Variants in MAGI2 observed in about 807,000 individuals in gnomAD.
The protein encoded by MAGI2 is membrane associated guanylate kinase, WW and PDZ domain containing 2.
MAGI2 carries 35 observed loss-of-function variants against 133.3 expected under a neutral mutation model. That is an observed-to-expected ratio of 0.26 (90% CI 0.20 to 0.35). The LOEUF (loss-of-function observed/expected upper bound fraction) is 0.35. Among genes scored for constraint, MAGI2 ranks in the 10% least tolerant of loss-of-function variants. MAGI2 has a pLI of 1.00. For synonymous variants in MAGI2, 729 were observed against 710.6 expected, an observed-to-expected ratio of 1.03 and a Z score of -0.41; for missense variants, 1,636 against 1,863.4, an observed-to-expected ratio of 0.88 and a Z score of 2.25.
chr7:78,536,880 G>A (rs1435230398), intron 3 of MAGI2, among the ~76,000 whole-genome samples: 2 of 151,324 alleles, frequency 1.3e-5, no homozygotes, highest in Non-Finnish European at 2.9e-5. Flanking sequence ...ATCTTTAGTG[G>A]TAATTTCTGA....
At chr7:78,827,713 T>C (rs537704171) in intron 2 of MAGI2, among the ~76,000 whole-genome samples, 1 of 152,196 alleles carries the variant, frequency 6.6e-6, no homozygotes, top group South Asian at 2.1e-4. Context: ...TATAATAATA[T>C]TGAAACACAA....
rs532394046 is a variant in MAGI2, at chr7:78,574,735, G to A, written c.538+52385C>T. Among the ~76,000 whole-genome samples the A allele has an allele frequency of 3.9e-5, 6 of 152,262 alleles. No individual in the cohort carries two copies. In the South Asian group the frequency reaches 1.0e-3, roughly 26 times the overall value. On this transcript the variant is annotated intron_variant, in intron 3 of 21. Coordinates refer to ENST00000354212, the MANE Select transcript of MAGI2 (RefSeq NM_012301.4). ...AGAATTATAGTCCTCACCACAAGTGGAAAGTGATAAATGTCATTTACAATG... is the reference window on the plus strand; with the variant it reads ...AGAATTATAGTCCTCACCACAAGTGAAAAGTGATAAATGTCATTTACAATG...
At chr7:78,545,479 T>G (rs6965203) in intron 3 of MAGI2, among the ~76,000 whole-genome samples, 17,999 of 152,070 alleles carry the variant, frequency 0.12, 2,006 homozygotes, top group East Asian at 0.4. Flanking sequence ...CCCAAAGTGC[T>G]GGGATTACAG....
chr7:78,755,347 G>A (rs1425586478), intron 2 of MAGI2, among the ~76,000 whole-genome samples: 1 of 152,118 alleles, frequency 6.6e-6, no homozygotes, highest in Admixed American at 6.6e-5. Context: ...ATACGTACTC[G>A]AGTATTTTGA....
At chr7:79,379,841 T>TTTA (rs1360442777) in intron 1 of MAGI2, among the ~76,000 whole-genome samples, 4 of 151,726 alleles carry the variant, frequency 2.6e-5, no homozygotes, top group African/African-American at 9.7e-5. Flanking sequence ...TTTTTTTTTT[T>TTTA]TACCCACTTG....
At chr7:78,167,111 G>C (rs1825694488) in intron 15 of MAGI2, among the ~76,000 whole-genome samples, 1 of 152,146 alleles carries the variant, frequency 6.6e-6, no homozygotes, top group African/African-American at 2.4e-5. Flanking sequence ...CATTATTGGA[G>C]CTGCTGCCCC....
chr7:78,409,658 A>G (rs1406769215), intron 6 of MAGI2, among the ~76,000 whole-genome samples: 1 of 152,074 alleles, frequency 6.6e-6, no homozygotes, highest in Non-Finnish European at 1.5e-5. Flanking sequence ...CTGTGTTTAA[A>G]GTCTCATTTT....
At chr7:79,394,021 A>T (rs942675694) in intron 1 of MAGI2, among the ~76,000 whole-genome samples, 3 of 152,178 alleles carry the variant, frequency 2.0e-5, no homozygotes, top group African/African-American at 7.2e-5. Context: ...ACATCAACTC[A>T]TCATGTACTG....
At chr7:79,256,640 A>T (rs1347517379) in intron 1 of MAGI2, among the ~76,000 whole-genome samples, 1 of 151,712 alleles carries the variant, frequency 6.6e-6, no homozygotes, top group Non-Finnish European at 1.5e-5. Flanking sequence ...ACAGGTGTGC[A>T]CCACCACGTC....
chr7:78,335,687 C>T (rs1028256172), intron 9 of MAGI2, among the ~76,000 whole-genome samples: 2 of 151,952 alleles, frequency 1.3e-5, no homozygotes, highest in African/African-American at 2.4e-5. Context: ...AAAAAAATGA[C>T]CAGAAAAAGG....
chr7:78,554,876 T>A (rs1451691183), intron 3 of MAGI2, among the ~76,000 whole-genome samples: 2 of 152,072 alleles, frequency 1.3e-5, no homozygotes, highest in Non-Finnish European at 2.9e-5. Flanking sequence ...GTGGCTCATG[T>A]GGGTAATCCC....
chr7:79,253,787 C>G (rs1230693095), intron 1 of MAGI2, among the ~76,000 whole-genome samples: 3 of 152,124 alleles, frequency 2.0e-5, no homozygotes, highest in African/African-American at 7.2e-5. Context: ...GAAACAAATA[C>G]TGTAATTATT....
chr7:78,755,690 G>A (rs967844311), intron 2 of MAGI2, among the ~76,000 whole-genome samples: 5 of 152,180 alleles, frequency 3.3e-5, no homozygotes, highest in Admixed American at 2.0e-4. Context: ...GGTGGAACTT[G>A]TAACTCCTGA....
chr7:78,094,060 C>G (rs887789790), intron 20 of MAGI2, among the ~76,000 whole-genome samples: 3 of 152,148 alleles, frequency 2.0e-5, no homozygotes, highest in African/African-American at 7.2e-5. Context: ...ACTGATCAAT[C>G]AATAAATAAT....
At chr7:79,116,330 T>A (rs1259603313) in intron 1 of MAGI2, among the ~76,000 whole-genome samples, 1 of 152,178 alleles carries the variant, frequency 6.6e-6, no homozygotes, top group Non-Finnish European at 1.5e-5. Context: ...CACATGTTGC[T>A]TATACTTGTT....
intron 16 of MAGI2, among the ~76,000 whole-genome samples, chr7:78,153,994 T>C (rs1192589903): frequency 6.6e-6 from 1 of 152,226 alleles, no homozygotes; most frequent in Non-Finnish European, 1.5e-5. Flanking sequence ...TGTTTTACTT[T>C]GTGCCTCCTC....
At position 78,019,174 on chromosome 7, in the gene MAGI2, G is replaced by T; in HGVS notation, c.*141C>A. ...GCCGCCCAAGCACACCGGACACGTG[G>T]GACTTCACGTCGATGCTCCCAGGCC... is the stretch of plus-strand genomic sequence containing the variant. On this transcript the variant is annotated 3_prime_UTR_variant, in exon 22 of 22. Transcript: ENST00000354212. 1 of 974,028 alleles carries T rather than the reference G, an allele frequency of 1.0e-6. No individual in the cohort carries two copies. Among genetic ancestry groups the T allele is most frequent in the Non-Finnish European group, 1.5e-6 (1 of 661,842 alleles). The allele number at this position is 974,028 out of a possible 1,614,324, so 60.3% of individuals were successfully genotyped here.
chr7:78,068,680 T>TA lies in MAGI2; in HGVS notation c.3706+10266dup, dbSNP rs1240716636. Among the ~76,000 whole-genome samples, 9 of 152,294 alleles carry TA rather than the reference T, an allele frequency of 5.9e-5. No homozygotes were observed. In the East Asian group the frequency reaches 1.7e-3, roughly 29 times the overall value. ...AATGAGGGGTTTAGAGTACTTTGGT[T>TA]AAAAAATTAAAGCTTGAGTTATTTG... On this transcript the variant is annotated intron_variant, in intron 21 of 21. Transcript: ENST00000354212.
chr7:78,786,977 GTCTC>G (rs1826877206), intron 2 of MAGI2, among the ~76,000 whole-genome samples: 1 of 150,940 alleles, frequency 6.6e-6, no homozygotes, highest in Admixed American at 6.6e-5. Context: ...TTTAGACAGA[GTCTC>G]TCTCTATTGC....
Sources: allele counts gnomAD v4.1 joint callset (sites outside exome capture counted in the v4.1 genomes callset), GRCh38; gene constraint gnomAD v4.1.1; transcripts MANE v1.5; gene names NCBI Gene and HGNC (gene_info 2026-07-23, HGNC 2026-07-21).